The following C1orf185 variants were observed in gnomAD, a reference collection of about 807,000 sequenced individuals.
C1orf185 encodes the protein uncharacterized protein C1orf185.
In C1orf185, 13 loss-of-function variants were observed where a neutral mutation model predicts 16.1. The observed-to-expected ratio is 0.81, with a 90% CI of 0.53 to 1.28. The LOEUF (loss-of-function observed/expected upper bound fraction) is 1.28, where lower values mean the gene tolerates loss of function less well. Ranked by LOEUF, C1orf185 falls within the 50% of genes most tolerant of loss-of-function variation. The pLI, the probability that C1orf185 is intolerant of heterozygous loss-of-function variation, is 0.00. For synonymous variants in C1orf185, 80 were observed against 76.9 expected, an observed-to-expected ratio of 1.04 and a Z score of -0.21; for missense variants, 220 against 225.2, an observed-to-expected ratio of 0.98 and a Z score of 0.15.
intron 3 of C1orf185, among the ~76,000 whole-genome samples, chr1:51,133,865 C>T (rs1399038864): frequency 2.0e-5 from 3 of 152,170 alleles, no homozygotes; most frequent in Admixed American, 6.5e-5. Flanking sequence ...TTTGGGAGGC[C>T]AAAGCAGACA....
chr1:51,120,300 T>C (rs1245625901), intron 3 of C1orf185, among the ~76,000 whole-genome samples: 1 of 152,208 alleles, frequency 6.6e-6, no homozygotes, highest in African/African-American at 2.4e-5. Context: ...GAGCATTGTC[T>C]GTAGAGCCAG....
chr1:51,127,300 T>G (rs572803597), intron 3 of C1orf185, among the ~76,000 whole-genome samples: 146 of 152,236 alleles, frequency 9.6e-4, no homozygotes, highest in South Asian at 3.7e-3. Flanking sequence ...ATTTTTTTTT[T>G]TGTGTGAGAT....
At chr1:51,124,105 A>G (rs1391257210) in intron 3 of C1orf185, among the ~76,000 whole-genome samples, 1 of 130,052 alleles carries the variant, frequency 7.7e-6, no homozygotes, top group Non-Finnish European at 1.6e-5. Flanking sequence ...TTTTTTTGAG[A>G]CAGTCTCGCA....
At chr1:51,113,989 A>G (rs1646140850) in intron 2 of C1orf185, among the ~76,000 whole-genome samples, 1 of 152,244 alleles carries the variant, frequency 6.6e-6, no homozygotes, top group South Asian at 2.1e-4. Context: ...GATAATGAAC[A>G]GATAAACTAG....
intron 3 of C1orf185, among the ~76,000 whole-genome samples, chr1:51,122,994 C>T (rs972440712): frequency 2.0e-5 from 3 of 152,234 alleles, no homozygotes; most frequent in Non-Finnish European, 4.4e-5. Flanking sequence ...TTATTAAAAA[C>T]GAAATGTATT....
At chr1:51,127,070 T>A (rs1646246943) in intron 3 of C1orf185, among the ~76,000 whole-genome samples, 1 of 152,358 alleles carries the variant, frequency 6.6e-6, no homozygotes, top group South Asian at 2.1e-4. Context: ...AAAAAATATT[T>A]TATTGATACA....
chr1:51,127,870 A>G (rs1267246749), intron 3 of C1orf185, among the ~76,000 whole-genome samples: 1 of 128,638 alleles, frequency 7.8e-6, no homozygotes, highest in Non-Finnish European at 1.7e-5. Flanking sequence ...ATATATTCTC[A>G]TTTTTCTTTT....
intron 2 of C1orf185, among the ~76,000 whole-genome samples, chr1:51,116,453 A>G (rs1262863853): frequency 6.6e-6 from 1 of 151,796 alleles, no homozygotes; most frequent in Admixed American, 6.6e-5. Flanking sequence ...AGCTGGGGCT[A>G]CAGGTGCATG....
At chr1:51,102,498 A>G (rs1259000776) in intron 1 of C1orf185, 1 of 270,668 alleles carries the variant, frequency 3.7e-6, no homozygotes, top group East Asian at 6.1e-5. Context: ...TTCTTGAGTC[A>G]CTTTTTGTAA....
chr1:51,149,435 G>T (rs1405819538), downstream of C1orf185, among the ~76,000 whole-genome samples: 1 of 152,164 alleles, frequency 6.6e-6, no homozygotes, highest in Non-Finnish European at 1.5e-5. Context: ...ATGGGTTCTA[G>T]CACATCTATT....
In C1orf185 at chr1:51,118,684, C is replaced by T. The variant is rs1220395323; in HGVS notation, c.141C>T (p.Ser47=). The change falls in exon 3 of 5, where the codon TCC becomes TCT. Residue 47 remains serine (S), a synonymous_variant. Coordinates refer to ENST00000371759, the MANE Select transcript of C1orf185 (RefSeq NM_001136508.2). ...TTTTCAGAGAAATATTTCAAAATTCCAAATTTAAAGCAATTGATGAGAGAT... is the reference window on the plus strand; with the variant it reads ...TTTTCAGAGAAATATTTCAAAATTCTAAATTTAAAGCAATTGATGAGAGAT... ...ICKRREIFQN[S]KFKAIDERCR... 4.3e-6 allele frequency: 6 copies of T among 1,408,168 alleles called. No homozygotes were observed. The highest frequency in any genetic ancestry group is 1.7e-5 in the South Asian group (1 of 60,232). 87.2% of individuals were successfully genotyped at this position (1,408,168 alleles called of 1,614,324 possible).
chr1:51,151,836 C>T (rs1441356095), downstream of C1orf185, among the ~76,000 whole-genome samples: 2 of 151,720 alleles, frequency 1.3e-5, no homozygotes, highest in Non-Finnish European at 2.9e-5. Flanking sequence ...TTACAGGCGC[C>T]CACCACCACA....
At chr1:51,123,008 TAC>T (rs1261978472) in intron 3 of C1orf185, among the ~76,000 whole-genome samples, 3 of 152,210 alleles carry the variant, frequency 2.0e-5, no homozygotes, top group African/African-American at 7.2e-5. Context: ...ATGTATTTCT[TAC>T]AGTCTGGAGT....
chr1:51,142,323 G>C (rs370846684), intron 3 of C1orf185, among the ~76,000 whole-genome samples: 28 of 152,202 alleles, frequency 1.8e-4, no homozygotes, highest in African/African-American at 6.0e-4. Context: ...TCATGACATT[G>C]GCATTTTTGA....
intron 3 of C1orf185, among the ~76,000 whole-genome samples, chr1:51,137,043 A>C (rs1646330587): frequency 6.6e-6 from 1 of 152,250 alleles, no homozygotes; most frequent in African/African-American, 2.4e-5. Flanking sequence ...TCTGTCAGGA[A>C]CTTCAACAAA....
chr1:51,122,260 T>C (rs549016870), intron 3 of C1orf185, among the ~76,000 whole-genome samples: 1 of 152,312 alleles, frequency 6.6e-6, no homozygotes, highest in Admixed American at 6.5e-5. Context: ...GGTAAGTGCA[T>C]ATTCAACCTT....
intron 3 of C1orf185, among the ~76,000 whole-genome samples, chr1:51,128,180 C>T (rs1317945301): frequency 6.6e-6 from 1 of 152,160 alleles, no homozygotes; most frequent in Non-Finnish European, 1.5e-5. Flanking sequence ...TGAGCCACCG[C>T]GCCCAGCCTG....
chr1:51,110,750 C>G lies in C1orf185; in HGVS notation c.17-1714C>G, dbSNP rs563713458. On this transcript the variant is annotated intron_variant, in intron 1 of 4. Coordinates refer to ENST00000371759, the MANE Select transcript of C1orf185 (RefSeq NM_001136508.2). ...GCGGGAGGCTGAGGTGGGTGAATCA[C>G]TTGAGGTCAGGAGTTAGAGACCAGC... is the stretch of plus-strand genomic sequence containing the variant. Among the ~76,000 whole-genome samples, 7 of 152,214 alleles carry G rather than the reference C, an allele frequency of 4.6e-5. No homozygotes were observed. The East Asian group carries it at 1.2e-3, about 25-fold the overall frequency.
intron 1 of C1orf185, among the ~76,000 whole-genome samples, chr1:51,110,552 T>G (rs947717278): frequency 6.6e-6 from 1 of 152,214 alleles, no homozygotes; most frequent in Non-Finnish European, 1.5e-5. Context: ...TGTCATATTC[T>G]TAGTGGAACT....
Sources: allele counts gnomAD v4.1 joint callset (sites outside exome capture counted in the v4.1 genomes callset), GRCh38; gene constraint gnomAD v4.1.1; transcripts MANE v1.5; gene names NCBI Gene and HGNC (gene_info 2026-07-23, HGNC 2026-07-21).